SLC2A9: variants seen among roughly 807,000 people sequenced by gnomAD.
SLC2A9 encodes solute carrier family 2 member 9.
Under a neutral mutation model 50.6 loss-of-function variants are expected in SLC2A9, and 39 were observed. The observed-to-expected ratio is 0.77, with a 90% confidence interval of 0.60 to 1.01. The LOEUF (loss-of-function observed/expected upper bound fraction) is 1.01. SLC2A9 is among the 50% of genes least tolerant of loss of function. The pLI is 0.00. For missense variants in SLC2A9, 686 were observed against 677.6 expected (o/e 1.01, Z -0.14); for synonymous variants, 324 against 276.9 (o/e 1.17, Z -1.69).
chr4:9,852,247 CT>C (rs34058781), intron 10 of SLC2A9, among the ~76,000 whole-genome samples: 105,606 of 140,730 alleles, frequency 0.75, 40,022 homozygotes, highest in Non-Finnish European at 0.83. Context: ...ATCCAGTATT[CT>C]TTTTTTTTTT....
intron 7 of SLC2A9, among the ~76,000 whole-genome samples, chr4:9,917,325 CTTTTT>C (rs55927201): frequency 4.9e-5 from 4 of 81,798 alleles, no homozygotes; most frequent in South Asian, 5.0e-4. Context: ...TTCTTTTTTC[CTTTTT>C]TTTTTTTTTT....
chr4:9,902,425 C>T (rs1045002083), intron 8 of SLC2A9, among the ~76,000 whole-genome samples: 2 of 152,224 alleles, frequency 1.3e-5, no homozygotes, highest in South Asian at 2.1e-4. Flanking sequence ...GCAGCTTCGG[C>T]ATTTTCCATG....
intron 3 of SLC2A9, chr4:9,783,249 C>T (rs781264036): frequency 6.2e-7 from 1 of 1,614,212 alleles, no homozygotes; most frequent in Non-Finnish European, 8.5e-7. Flanking sequence ...AAGGAAATCG[C>T]AGCTGCCTAC....
At position 9,980,593 on chromosome 4, in the gene SLC2A9, T is replaced by C. The variant is rs770557412; in HGVS notation, c.680A>G (p.Lys227Arg). ...QLLGLPELLG[K>R]ESTWPYLFGV... ...GGTTGACCAGGGAGCCACACTCACC[T>C]TTCCCAGCAGCTCGGGCAGGCCCAG... is the stretch of plus-strand genomic sequence containing the variant. Residue 227 changes from lysine (K) to arginine (R), a missense_variant and splice_region_variant, in exon 5 of 12, where the codon AAG becomes AGG. Physicochemically the swap from Lys to Arg is conservative, Grantham distance 26. Coordinates refer to ENST00000264784, the MANE Select transcript of SLC2A9 (RefSeq NM_020041.3). 1.0e-4 allele frequency: 164 copies of C among 1,614,044 alleles called. No individual in the cohort carries two copies. The highest frequency in any genetic ancestry group is 1.4e-4 in the Non-Finnish European group (161 of 1,180,022).
At chr4:9,794,699 C>T (rs187407883), downstream of SLC2A9, among the ~76,000 whole-genome samples, 42 of 152,322 alleles carry the variant, frequency 2.8e-4, no homozygotes, top group African/African-American at 9.9e-4. Flanking sequence ...TGACTGCCTA[C>T]TCTGCCCCTG....
intron 10 of SLC2A9, among the ~76,000 whole-genome samples, chr4:9,858,134 T>C (rs1731017560): frequency 6.6e-6 from 1 of 152,172 alleles, no homozygotes; most frequent in South Asian, 2.1e-4. Context: ...TACTGAGTTG[T>C]AAATGGTTCT....
downstream of SLC2A9, among the ~76,000 whole-genome samples, chr4:9,824,736 T>C (rs1415306731): frequency 6.6e-6 from 1 of 152,232 alleles, no homozygotes; most frequent in Non-Finnish European, 1.5e-5. Context: ...AGGTACCTAA[T>C]AAATATTTAT....
At chr4:9,782,519 G>A (rs1288931493) in intron 3 of SLC2A9, 4 of 1,613,872 alleles carry the variant, frequency 2.5e-6, no homozygotes, top group Admixed American at 1.7e-5. Context: ...GGTCGGCCTG[G>A]CATGGACCTT....
intron 5 of SLC2A9, among the ~76,000 whole-genome samples, chr4:9,942,793 A>G (rs1255000267): frequency 2.0e-5 from 3 of 152,186 alleles, no homozygotes; most frequent in Admixed American, 6.5e-5. Context: ...TTCCTACCCA[A>G]GTTTACAAAT....
At chr4:10,026,875 C>T (rs1763770615) in intron 1 of SLC2A9, among the ~76,000 whole-genome samples, 1 of 152,132 alleles carries the variant, frequency 6.6e-6, no homozygotes, top group Non-Finnish European at 1.5e-5. Flanking sequence ...GAAACCCTGT[C>T]TCTACTAAAA....
intron 3 of SLC2A9, among the ~76,000 whole-genome samples, chr4:9,799,908 A>G (rs1331926893): frequency 6.6e-6 from 1 of 152,134 alleles, no homozygotes; most frequent in Non-Finnish European, 1.5e-5. Flanking sequence ...CAGTGGTGAA[A>G]TATTTGGTAA....
At chr4:9,937,333 G>C (rs1359751464) in intron 6 of SLC2A9, among the ~76,000 whole-genome samples, 1 of 152,136 alleles carries the variant, frequency 6.6e-6, no homozygotes, top group Non-Finnish European at 1.5e-5. Flanking sequence ...TTCTGTAGGA[G>C]ACATTTATCT....
At chr4:10,015,177 G>C (rs1309403120) in intron 2 of SLC2A9, among the ~76,000 whole-genome samples, 1 of 152,152 alleles carries the variant, frequency 6.6e-6, no homozygotes. Flanking sequence ...TTGGTTGGTA[G>C]ATGGACAGGT....
At chr4:9,956,130 C>T (rs942620347) in intron 5 of SLC2A9, among the ~76,000 whole-genome samples, 3 of 151,822 alleles carry the variant, frequency 2.0e-5, no homozygotes, top group South Asian at 2.1e-4. Context: ...CGACCTGCCT[C>T]GGCCTCCCAA....
intron 6 of SLC2A9, among the ~76,000 whole-genome samples, chr4:9,926,622 G>A (rs1744951323): frequency 6.6e-6 from 1 of 151,954 alleles, no homozygotes; most frequent in Non-Finnish European, 1.5e-5. Flanking sequence ...TAGCCTGGCA[G>A]AGGGTACAAA....
At chr4:10,036,377 C>T (rs769792821) in intron 1 of SLC2A9, among the ~76,000 whole-genome samples, 23 of 152,160 alleles carry the variant, frequency 1.5e-4, no homozygotes, top group Non-Finnish European at 3.4e-4. Context: ...AGATAGTGTA[C>T]GAAATGTCTG....
chr4:10,007,124 C>A (rs1442132646), intron 2 of SLC2A9, among the ~76,000 whole-genome samples: 1 of 152,222 alleles, frequency 6.6e-6, no homozygotes, highest in Non-Finnish European at 1.5e-5. Flanking sequence ...TGAGTACTAC[C>A]GCATTCCTGT....
At chr4:10,013,552 T>C (rs894098509) in intron 2 of SLC2A9, among the ~76,000 whole-genome samples, 1 of 152,212 alleles carries the variant, frequency 6.6e-6, no homozygotes, top group Admixed American at 6.5e-5. Context: ...ATAGCTGCCT[T>C]GCAATATTAT....
chr4:9,877,244 A>G (rs1336881210), intron 10 of SLC2A9, among the ~76,000 whole-genome samples: 2 of 152,194 alleles, frequency 1.3e-5, no homozygotes, highest in Admixed American at 1.3e-4. Context: ...TTGTTTATTC[A>G]TTCAACAAGT....
Sources: gnomAD v4.1 joint callset for allele counts (sites outside exome capture counted in the v4.1 genomes callset) on GRCh38, gnomAD v4.1.1 for gene constraint, MANE v1.5 for transcripts, NCBI Gene and HGNC (gene_info 2026-07-23, HGNC 2026-07-21) for gene names.